The following FAM200B variants were observed in gnomAD, a reference collection of about 807,000 sequenced individuals.
FAM200B encodes the protein protein FAM200B.
A neutral mutation model predicts 33.1 loss-of-function variants in FAM200B; 32 were observed. That is an observed-to-expected ratio of 0.97 (90% confidence interval 0.73 to 1.30). The LOEUF is 1.30. Ranked by LOEUF, FAM200B falls within the 50% of genes most tolerant of loss-of-function variation. The probability of loss-of-function intolerance (pLI) is 0.00; values close to 1 mark genes in which losing one functional copy is unlikely to be tolerated. For synonymous variants in FAM200B, 240 were observed against 264.8 expected, an observed-to-expected ratio of 0.91 and a Z score of 0.91; for missense variants, 741 against 754.0, an observed-to-expected ratio of 0.98 and a Z score of 0.20.
intron 1 of FAM200B, among the ~76,000 whole-genome samples, chr4:15,683,284 T>C (rs901063315): frequency 1.3e-5 from 2 of 151,986 alleles, no homozygotes; most frequent in African/African-American, 4.8e-5. Context: ...ACTTAGATGA[T>C]ACCTCACATC....
the FAM200B span, among the ~76,000 whole-genome samples, chr4:15,675,638 A>G: frequency 7.1e-6 from 1 of 140,474 alleles, no homozygotes; most frequent in South Asian, 2.2e-4. Flanking sequence ...TTGCAGTGCA[A>G]TGGCGCCATC....
At chr4:15,641,703 C>T in the FAM200B span, 4 of 431,154 alleles carry the variant, frequency 9.3e-6, no homozygotes, top group Non-Finnish European at 1.8e-5. Flanking sequence ...AACCCTAATC[C>T]CCATGTTGTT....
the FAM200B span, among the ~76,000 whole-genome samples, chr4:15,676,211 C>T: frequency 0.024 from 3,620 of 152,228 alleles, 72 homozygotes; most frequent in Non-Finnish European, 0.032. Context: ...ATTATTGAAG[C>T]CTTTCACCTC....
chr4:15,643,906 T>C, the FAM200B span, among the ~76,000 whole-genome samples: 1 of 152,204 alleles, frequency 6.6e-6, no homozygotes, highest in African/African-American at 2.4e-5. Context: ...GTGAGTAGCA[T>C]TCATTATAAA....
chr4:15,655,269 C>T, the FAM200B span: 1 of 1,434,622 alleles, frequency 7.0e-7, no homozygotes, highest in Non-Finnish European at 9.3e-7. Flanking sequence ...ACGTCCACTT[C>T]TTCAGGAAAG....
the FAM200B span, chr4:15,656,357 A>T: frequency 6.7e-6 from 3 of 448,524 alleles, no homozygotes; most frequent in Non-Finnish European, 1.3e-5. Flanking sequence ...ACAGATAGAG[A>T]AATAGGAGAA....
the FAM200B span, among the ~76,000 whole-genome samples, chr4:15,652,057 T>G: frequency 6.6e-6 from 1 of 152,322 alleles, no homozygotes; most frequent in South Asian, 2.1e-4. Flanking sequence ...TGCCAACGTC[T>G]TTCTGTAGTA....
chr4:15,645,909 G>A, the FAM200B span, among the ~76,000 whole-genome samples: 67 of 152,124 alleles, frequency 4.4e-4, no homozygotes, highest in Non-Finnish European at 8.4e-4. Flanking sequence ...GCTATGATGA[G>A]GCAGGCACTG....
chr4:15,688,004 A>G lies in FAM200B; in HGVS notation c.1027A>G (p.Met343Val), dbSNP rs1159041506. 1.3e-6 allele frequency: 2 copies of G among 1,526,552 alleles called. No homozygotes were observed. The highest frequency in any genetic ancestry group is 1.8e-6 in the Non-Finnish European group (2 of 1,124,408). 94.6% of individuals were successfully genotyped at this position (1,526,552 alleles called of 1,614,324 possible). A position where few individuals can be genotyped will look rare whatever the true frequency, so the allele number is the denominator to read the frequency against. Reference sequence around the variant, plus strand: ...ATCCAGAGAAATTCCACAGAATCTCATGGAGGTATTGAAAAATGCAGTGAA... The same window carrying G: ...ATCCAGAGAAATTCCACAGAATCTCGTGGAGGTATTGAAAAATGCAGTGAA... Reference protein sequence around the residue: ...LASREIPQNLMEVLKNAVKVV... With the variant: ...LASREIPQNLVEVLKNAVKVV... The change falls in exon 2 of 2, where the codon ATG (methionine) becomes GTG (valine). Residue 343 changes from methionine to valine, a missense_variant. Physicochemically the swap from Met to Val is conservative, Grantham distance 21 (BLOSUM62 1). Coordinates refer to ENST00000422728, the MANE Select transcript of FAM200B (RefSeq NM_001145191.2).
Position 15,687,648 on chromosome 4 carries a change from A to G in FAM200B, c.671A>G (p.Asp224Gly), listed in dbSNP as rs1185937324. 2 of 1,551,278 alleles carry G rather than the reference A, an allele frequency of 1.3e-6. No individual in the cohort carries two copies. Among genetic ancestry groups the G allele is most frequent in the Non-Finnish European group, 1.7e-6 (2 of 1,146,764 alleles). ...MLITRLQSGI[D>G]FAIQLDESTD... ...ATTACTCGTTTACAGTCTGGTATAG[A>G]TTTTGCAATCCAGCTTGATGAAAGC... Residue 224 changes from aspartate (D) to glycine (G), a missense_variant, in exon 2 of 2, where the codon GAT becomes GGT. Asp to Gly is a moderately conservative substitution (Grantham distance 94, BLOSUM62 -1). Coordinates refer to ENST00000422728, the MANE Select transcript of FAM200B (RefSeq NM_001145191.2).
chr4:15,647,977 C>A, the FAM200B span, among the ~76,000 whole-genome samples: 1 of 152,182 alleles, frequency 6.6e-6, no homozygotes, highest in African/African-American at 2.4e-5. Flanking sequence ...CTGGCCTCAG[C>A]CTTCCGAATA....
the FAM200B span, among the ~76,000 whole-genome samples, chr4:15,669,194 C>A: frequency 6.6e-6 from 1 of 152,202 alleles, no homozygotes; most frequent in East Asian, 1.9e-4. Flanking sequence ...AGCATACTTA[C>A]ACAAACCCAG....
chr4:15,674,654 G>GTT, the FAM200B span, among the ~76,000 whole-genome samples: 10 of 142,054 alleles, frequency 7.0e-5, no homozygotes, highest in Admixed American at 1.4e-4. Flanking sequence ...GGATTTTTGG[G>GTT]TTTTTTTTTT....
the FAM200B span, among the ~76,000 whole-genome samples, chr4:15,675,377 C>G: frequency 6.6e-6 from 1 of 152,102 alleles, no homozygotes; most frequent in African/African-American, 2.4e-5. Context: ...TGACCAACTA[C>G]TACTATAGTA....
chr4:15,653,188 A>G, the FAM200B span, among the ~76,000 whole-genome samples: 1 of 152,108 alleles, frequency 6.6e-6, no homozygotes, highest in Non-Finnish European at 1.5e-5. Context: ...CAACAATCTC[A>G]TTAACTATAT....
At chr4:15,684,547 C>A (rs893140636) in intron 1 of FAM200B, 3 of 152,140 alleles carry the variant, frequency 2.0e-5, no homozygotes, top group Admixed American at 1.3e-4. Context: ...AAAGTTGAAG[C>A]ATTAAAACAT....
the FAM200B span, among the ~76,000 whole-genome samples, chr4:15,673,389 C>T: frequency 6.6e-6 from 1 of 151,744 alleles, no homozygotes; most frequent in Non-Finnish European, 1.5e-5. Context: ...TGCAGTGAGC[C>T]AAGATTGCAC....
chr4:15,680,960 CATAT>C (rs887106373), upstream of FAM200B, among the ~76,000 whole-genome samples: 78 of 147,600 alleles, frequency 5.3e-4, no homozygotes, highest in African/African-American at 1.9e-3. Context: ...TTTTGTTTCA[CATAT>C]ATATATAAAT....
Position 15,690,431 on chromosome 4 carries a change from A to T in FAM200B, c.*1480A>T, listed in dbSNP as rs1222157802. ...TTTCTTTTTTTTTAATGCTTGAAATAAAGTGTTGAAAAACAATTCCCTGTG... is the reference window on the plus strand; with the variant it reads ...TTTCTTTTTTTTTAATGCTTGAAATTAAGTGTTGAAAAACAATTCCCTGTG... On this transcript the variant is annotated 3_prime_UTR_variant, in exon 2 of 2. Transcript: ENST00000422728. 1 of 163,194 alleles carries T rather than the reference A, an allele frequency of 6.1e-6. No individual in the cohort carries two copies. Among genetic ancestry groups the T allele is most frequent in the East Asian group, 1.9e-4 (1 of 5,204 alleles). The allele number at this position is 163,194 out of a possible 1,614,324, so 10.1% of individuals were successfully genotyped here. A position where few individuals can be genotyped will look rare whatever the true frequency, so the allele number is the denominator to read the frequency against.
Sources: gnomAD v4.1 joint callset for allele counts (sites outside exome capture counted in the v4.1 genomes callset) on GRCh38, gnomAD v4.1.1 for gene constraint, MANE v1.5 for transcripts, NCBI Gene and HGNC (gene_info 2026-07-23, HGNC 2026-07-21) for gene names.